SLC9A9: variants seen among roughly 807,000 people sequenced by gnomAD.
The protein encoded by SLC9A9 is solute carrier family 9 member A9, also known as sodium/hydrogen exchanger 9.
Under a neutral mutation model 77.8 loss-of-function variants are expected in SLC9A9, and 62 were observed. The observed-to-expected ratio is 0.80, with a 90% CI of 0.65 to 0.98. SLC9A9 has a LOEUF of 0.98. Ranked by LOEUF, SLC9A9 falls within the 50% of genes least tolerant of loss-of-function variation. The probability of loss-of-function intolerance (pLI) is 0.00; values close to 1 mark genes in which losing one functional copy is unlikely to be tolerated. For synonymous variants in SLC9A9, 320 were observed against 283.5 expected (o/e 1.13, Z -1.29); for missense variants, 775 against 774.9 (o/e 1.00, Z 0.00).
intron 9 of SLC9A9, among the ~76,000 whole-genome samples, chr3:143,520,429 A>G (rs2036277465): frequency 6.6e-6 from 1 of 152,230 alleles, no homozygotes; most frequent in Non-Finnish European, 1.5e-5. Flanking sequence ...CAAATCTACC[A>G]GCACTTGGAT....
rs529541672 is a variant in SLC9A9 at position 143,732,872 on chromosome 3, G to A, written c.534-39565C>T. ...GTAAAATAGAGCATGATTTTCATTA[G>A]GGCAAATTCAGTCGCAACATAAGGC... On this transcript the variant is annotated intron_variant, in intron 4 of 15. Transcript: ENST00000316549. Among the ~76,000 whole-genome samples, 15 of 152,234 alleles carry A rather than the reference G, an allele frequency of 9.9e-5. No homozygotes were observed. In the South Asian group the frequency reaches 3.1e-3, roughly 32 times the overall value.
At chr3:143,817,721 A>T (rs2009058016) in intron 2 of SLC9A9, among the ~76,000 whole-genome samples, 1 of 152,092 alleles carries the variant, frequency 6.6e-6, no homozygotes, top group Admixed American at 6.5e-5. Flanking sequence ...TTTCCCATTT[A>T]TTTCAGTTGG....
chr3:143,390,736 T>C (rs1404442717), intron 12 of SLC9A9, among the ~76,000 whole-genome samples: 9 of 152,162 alleles, frequency 5.9e-5, no homozygotes, highest in Admixed American at 5.9e-4. Context: ...CCTGGAAAAT[T>C]GGGTCACTCC....
At position 143,266,581 on chromosome 3, in the gene SLC9A9, T is replaced by G. The variant is rs557943603; in HGVS notation, c.*121A>C. On this transcript the variant is annotated 3_prime_UTR_variant, in exon 16 of 16. Transcript: ENST00000316549. ...GATCCATGTGACAAGGCTTTGATTC[T>G]CTCCAATTTATGCTCTTAATATGTT... 67 of 961,172 alleles carry G rather than the reference T, an allele frequency of 7.0e-5. No homozygotes were observed. The highest frequency in any genetic ancestry group is 1.6e-6 in the Non-Finnish European group (1 of 612,112). The allele number at this position is 961,172 out of a possible 1,614,324, so 59.5% of individuals were successfully genotyped here. A position where few individuals can be genotyped will look rare whatever the true frequency, so the allele number is the denominator to read the frequency against.
At chr3:143,794,276 A>G (rs1344192421) in intron 4 of SLC9A9, among the ~76,000 whole-genome samples, 1 of 152,114 alleles carries the variant, frequency 6.6e-6, no homozygotes, top group Non-Finnish European at 1.5e-5. Context: ...TGACTGTATC[A>G]GATAATTGAA....
chr3:143,765,633 T>C (rs902546359), intron 4 of SLC9A9, among the ~76,000 whole-genome samples: 2 of 152,226 alleles, frequency 1.3e-5, no homozygotes, highest in African/African-American at 2.4e-5. Flanking sequence ...ATTGTTGATA[T>C]AAGTGACCAA....
At chr3:143,312,730 C>T (rs1224282033) in intron 14 of SLC9A9, among the ~76,000 whole-genome samples, 1 of 152,226 alleles carries the variant, frequency 6.6e-6, no homozygotes, top group African/African-American at 2.4e-5. Context: ...ACCTGTTCAT[C>T]CTTCAGCACA....
At chr3:143,822,247 T>C (rs1039149122) in intron 2 of SLC9A9, among the ~76,000 whole-genome samples, 2 of 152,162 alleles carry the variant, frequency 1.3e-5, no homozygotes, top group African/African-American at 4.8e-5. Flanking sequence ...CTGAAAGGTG[T>C]CAATCTCAAG....
chr3:143,635,490 C>T (rs2038504053), intron 6 of SLC9A9, among the ~76,000 whole-genome samples: 1 of 152,218 alleles, frequency 6.6e-6, no homozygotes, highest in Admixed American at 6.5e-5. Flanking sequence ...ATTGGGAATA[C>T]ATCTTTTTGT....
At chr3:143,338,079 C>T (rs546107602) in intron 14 of SLC9A9, among the ~76,000 whole-genome samples, 1 of 152,132 alleles carries the variant, frequency 6.6e-6, no homozygotes, top group Admixed American at 6.5e-5. Context: ...ACTCACATAT[C>T]TTTGGAGAGA....
Position 143,265,900 on chromosome 3 carries a change from C to T in SLC9A9, c.*802G>A. The stretch of plus-strand genomic sequence containing the variant: ...CCAGCATATCGCGGGGAGGGGGGGA[C>T]CTGCTGCACAGCCAAGAAGTGACTC... On this transcript the variant is annotated 3_prime_UTR_variant, in exon 16 of 16. Transcript: ENST00000316549. 2 of 606,872 alleles carry T rather than the reference C, an allele frequency of 3.3e-6. No homozygotes were observed. The highest frequency in any genetic ancestry group is 1.9e-5 in the African/African-American group (1 of 54,012). The allele number at this position is 606,872 out of a possible 1,614,324, so 37.6% of individuals were successfully genotyped here.
chr3:143,515,813 T>G (rs567240538), intron 9 of SLC9A9, among the ~76,000 whole-genome samples: 2 of 152,226 alleles, frequency 1.3e-5, no homozygotes, highest in South Asian at 4.1e-4. Context: ...TATCTCTGTT[T>G]ACGAGATTGG....
rs568875797 is a variant in SLC9A9, at chr3:143,846,929, T to A, written c.175+1219A>T. Among the ~76,000 whole-genome samples, 3 of 152,160 alleles carry A rather than the reference T, an allele frequency of 2.0e-5. No homozygotes were observed. The South Asian group carries it at 6.2e-4, about 32-fold the overall frequency. ...TCCCTCCCCACTCCCAAGCAAAAAA[T>A]TTTTAAAAGACCCTCAGTACCAAGG... On this transcript the variant is annotated intron_variant, in intron 1 of 15. Coordinates refer to ENST00000316549, the MANE Select transcript of SLC9A9 (RefSeq NM_173653.4).
At chr3:143,472,641 C>T (rs762726753) in intron 11 of SLC9A9, among the ~76,000 whole-genome samples, 7 of 152,174 alleles carry the variant, frequency 4.6e-5, no homozygotes, top group African/African-American at 7.2e-5. Context: ...CTGTACCTTG[C>T]AATTGGCCAG....
chr3:143,597,398 A>G (rs1477765097), intron 6 of SLC9A9, among the ~76,000 whole-genome samples: 1 of 152,166 alleles, frequency 6.6e-6, no homozygotes, highest in Non-Finnish European at 1.5e-5. Context: ...GCCAAAACAC[A>G]GCTCAGGCTT....
chr3:143,567,569 T>A (rs1325297132), intron 8 of SLC9A9, among the ~76,000 whole-genome samples: 2 of 152,224 alleles, frequency 1.3e-5, no homozygotes, highest in East Asian at 3.8e-4. Context: ...TTCATTTGCA[T>A]GTCTAAAAGC....
At chr3:143,733,697 C>T (rs1432870347) in intron 4 of SLC9A9, among the ~76,000 whole-genome samples, 2 of 151,972 alleles carry the variant, frequency 1.3e-5, no homozygotes, top group African/African-American at 4.8e-5. Flanking sequence ...GGTATACAAA[C>T]CATGAGAACA....
At chr3:143,805,915 G>C (rs945999285) in intron 2 of SLC9A9, among the ~76,000 whole-genome samples, 3 of 152,172 alleles carry the variant, frequency 2.0e-5, no homozygotes, top group African/African-American at 7.2e-5. Flanking sequence ...TCTTCACAGA[G>C]ACTCGAGTGA....
intron 6 of SLC9A9, chr3:143,627,312 GA>G (rs1216305266): frequency 1.5e-5 from 3 of 201,548 alleles, no homozygotes; most frequent in Admixed American, 4.5e-5. Flanking sequence ...TGCACTTACA[GA>G]GTGCTATGAT....
Sources: allele counts gnomAD v4.1 joint callset (sites outside exome capture counted in the v4.1 genomes callset), GRCh38; gene constraint gnomAD v4.1.1; transcripts MANE v1.5; gene names NCBI Gene and HGNC (gene_info 2026-07-23, HGNC 2026-07-21).